Variants in STIM1 observed in about 807,000 individuals in gnomAD.
STIM1 encodes stromal interaction molecule 1.
A neutral mutation model predicts 74.7 loss-of-function variants in STIM1; 25 were observed. The ratio of observed to expected loss-of-function variants is 0.33; its 90% CI spans 0.24 to 0.47. The LOEUF is 0.47. Ranked by LOEUF, STIM1 falls within the 20% of genes least tolerant of loss-of-function variation. The pLI is 1.00. For synonymous variants in STIM1, 328 were observed against 348.8 expected (o/e 0.94, Z 0.66); for missense variants, 728 against 920.8 (o/e 0.79, Z 2.71).
In STIM1 at chr11:4,091,863, CCCTT is replaced by C; in HGVS notation, c.*71_*74del. Reference sequence around the variant, plus strand: ...CTGGGTGTTCTGTCTCTCCTTCCCTCCCTTCCTTCAAGATAACTGGCCCCAAGAG... The same window carrying C: ...CTGGGTGTTCTGTCTCTCCTTCCCTCCCTTCAAGATAACTGGCCCCAAGAG... On this transcript the variant is annotated 3_prime_UTR_variant, in exon 13 of 13. Coordinates refer to ENST00000526596, the MANE Select transcript of STIM1 (RefSeq NM_001382567.1). The C allele has an allele frequency of 1.3e-6, 2 of 1,590,944 alleles. No individual in the cohort carries two copies. The highest frequency in any genetic ancestry group is 3.4e-5 in the Admixed American group (2 of 59,072).
At chr11:3,914,976 A>G (rs906959778) in intron 1 of STIM1, among the ~76,000 whole-genome samples, 1 of 150,618 alleles carries the variant, frequency 6.6e-6, no homozygotes, top group African/African-American at 2.5e-5. Flanking sequence ...GTGACATGTT[A>G]TCTCGTTGTG....
rs758300893 is a variant in STIM1 at position 3,856,150 on chromosome 11, A to G, written c.-121A>G. 7 of 1,366,958 alleles carry G rather than the reference A, an allele frequency of 5.1e-6. No homozygotes were observed. In the Admixed American group the frequency reaches 1.0e-4, roughly 20 times the overall value. The allele number at this position is 1,366,958 out of a possible 1,614,324, so 84.7% of individuals were successfully genotyped here. A position where few individuals can be genotyped will look rare whatever the true frequency, so the allele number is the denominator to read the frequency against. On this transcript the variant is annotated 5_prime_UTR_variant, in exon 1 of 13. Coordinates refer to ENST00000526596, the MANE Select transcript of STIM1 (RefSeq NM_001382567.1). ...GGGGCAGGCTCGCGGGTGGCTGGAC[A>G]GCTGCGGAGCCGCGAGGGCATCTTG...
At chr11:3,973,403 C>A in intron 2 of STIM1, 1 of 378,788 alleles carries the variant, frequency 2.6e-6, no homozygotes, top group Non-Finnish European at 5.1e-6. Context: ...TATGGTATTT[C>A]TTTTTTTTTC....
intron 1 of STIM1, among the ~76,000 whole-genome samples, chr11:3,904,301 T>C (rs542351857): frequency 6.6e-6 from 1 of 151,042 alleles, no homozygotes; most frequent in African/African-American, 2.4e-5. Flanking sequence ...ATGACCAGGG[T>C]TGTGCCAGAC....
chr11:4,077,088 A>G (rs538915520), intron 7 of STIM1, among the ~76,000 whole-genome samples: 1 of 152,044 alleles, frequency 6.6e-6, no homozygotes, highest in East Asian at 1.9e-4. Flanking sequence ...GAGAAAAGAT[A>G]TATGTTACAA....
intron 3 of STIM1, among the ~76,000 whole-genome samples, chr11:4,031,493 A>G (rs1319795032): frequency 6.6e-6 from 1 of 152,184 alleles, no homozygotes; most frequent in South Asian, 2.1e-4. Flanking sequence ...TGTATTTTTT[A>G]TATTCCCACC....
chr11:4,048,697 G>A (rs2094213146), intron 3 of STIM1, among the ~76,000 whole-genome samples: 2 of 151,790 alleles, frequency 1.3e-5, no homozygotes, highest in Admixed American at 1.3e-4. Context: ...CTTTCTGTGT[G>A]TTTAAACACA....
At chr11:4,022,889 T>A (rs2093969015) in intron 2 of STIM1, among the ~76,000 whole-genome samples, 2 of 152,242 alleles carry the variant, frequency 1.3e-5, no homozygotes, top group Admixed American at 1.3e-4. Flanking sequence ...TATTGCTTTT[T>A]CTAACCTAGA....
Position 4,083,366 on chromosome 11 carries a change from C to T in STIM1, c.1342C>T (p.His448Tyr). ...CCAGATTGTCAACAACCCTGGCATC[C>T]ACTCACTGGTGGCTGCCCTCAACAT... is the stretch of plus-strand genomic sequence containing the variant. ...GFQIVNNPGI[H>Y]SLVAALNIDP... is the part of the protein sequence containing the mutation. Residue 448 changes from histidine (H) to tyrosine (Y), a missense_variant, in exon 10 of 13, where the codon CAC becomes TAC. Physicochemically the swap from His to Tyr is moderately conservative, Grantham distance 83. Around this residue, in one of 5 missense-constraint regions of STIM1, gnomAD observed 352 missense variants for 370.1 expected, o/e 0.95. Coordinates refer to ENST00000526596, the MANE Select transcript of STIM1 (RefSeq NM_001382567.1). 1 of 1,614,266 alleles carries T rather than the reference C, an allele frequency of 6.2e-7. No individual in the cohort carries two copies. The highest frequency in any genetic ancestry group is 8.5e-7 in the Non-Finnish European group (1 of 1,180,056).
intron 2 of STIM1, among the ~76,000 whole-genome samples, chr11:4,014,048 C>T (rs538347764): frequency 2.6e-5 from 4 of 152,208 alleles, no homozygotes; most frequent in East Asian, 3.9e-4. Context: ...TCTCTATCTC[C>T]TTCAGTTCTG....
intron 2 of STIM1, chr11:3,974,015 C>G: frequency 1.5e-6 from 1 of 688,668 alleles, no homozygotes; most frequent in Non-Finnish European, 2.7e-6. Context: ...CTTATGTAGC[C>G]TTGCATTCAC....
chr11:3,855,696 C>A lies in STIM1; in HGVS notation c.-575C>A, dbSNP rs978210017. The A allele has an allele frequency of 5.3e-5, 8 of 150,186 alleles. No individual in the cohort carries two copies. Among genetic ancestry groups the A allele is most frequent in the Admixed American group, 4.0e-4 (6 of 15,154 alleles). 9.3% of individuals were successfully genotyped at this position (150,186 alleles called of 1,614,324 possible). A position where few individuals can be genotyped will look rare whatever the true frequency, so the allele number is the denominator to read the frequency against. ...TGTCCTGGGCCTGGCCGGTGTGCGTCCGCCTGCTGGACCTGGGCACCGCCA... is the reference window on the plus strand; with the variant it reads ...TGTCCTGGGCCTGGCCGGTGTGCGTACGCCTGCTGGACCTGGGCACCGCCA... On this transcript the variant is annotated 5_prime_UTR_variant, in exon 1 of 13. Coordinates refer to ENST00000526596, the MANE Select transcript of STIM1 (RefSeq NM_001382567.1).
intron 1 of STIM1, among the ~76,000 whole-genome samples, chr11:3,958,228 G>C (rs1303067816): frequency 6.6e-6 from 1 of 152,190 alleles, no homozygotes; most frequent in Non-Finnish European, 1.5e-5. Context: ...GAGCTTAGAA[G>C]CTGAGTGCAG....
chr11:4,000,940 C>T (rs2093709726), intron 2 of STIM1, among the ~76,000 whole-genome samples: 1 of 152,154 alleles, frequency 6.6e-6, no homozygotes, highest in East Asian at 1.9e-4. Context: ...GTGAAGAATG[C>T]AGAAGCCTCA....
At chr11:3,989,577 A>T (rs944336706) in intron 2 of STIM1, 26 of 504,226 alleles carry the variant, frequency 5.2e-5, no homozygotes, top group African/African-American at 4.1e-4. Flanking sequence ...AGCTGCTGAG[A>T]TCCCCAGAAG....
intron 6 of STIM1, among the ~76,000 whole-genome samples, chr11:4,072,319 T>G (rs1481672110): frequency 6.6e-6 from 1 of 152,194 alleles, no homozygotes; most frequent in Non-Finnish European, 1.5e-5. Flanking sequence ...AGACCTGCAA[T>G]GCCAGCTTTC....
At chr11:3,971,691 G>A (rs2093397622) in intron 2 of STIM1, among the ~76,000 whole-genome samples, 1 of 152,182 alleles carries the variant, frequency 6.6e-6, no homozygotes. Context: ...CTCCCTGCCA[G>A]GACAAACCAA....
chr11:3,900,470 C>A (rs1313427691), intron 1 of STIM1, among the ~76,000 whole-genome samples: 1 of 152,230 alleles, frequency 6.6e-6, no homozygotes, highest in Non-Finnish European at 1.5e-5. Context: ...TGGCACTCCC[C>A]AGTGAGATGA....
intron 1 of STIM1, among the ~76,000 whole-genome samples, chr11:3,933,770 T>C (rs2092900363): frequency 6.6e-6 from 1 of 152,224 alleles, no homozygotes; most frequent in Admixed American, 6.5e-5. Context: ...GAGTCATTTT[T>C]AAAGAGTAAG....
Sources: allele counts gnomAD v4.1 joint callset (sites outside exome capture counted in the v4.1 genomes callset), GRCh38; gene constraint gnomAD v4.1.1; regional missense constraint gnomAD v4.1.1; transcripts MANE v1.5; gene names NCBI Gene and HGNC (gene_info 2026-07-23, HGNC 2026-07-21).